The following THADA variants were observed in gnomAD, a reference collection of about 807,000 sequenced individuals.
THADA encodes the protein tRNA (32-2'-O)-methyltransferase regulator THADA.
A neutral mutation model predicts 219.8 loss-of-function variants in THADA; 213 were observed. The observed-to-expected ratio is 0.97, with a 90% confidence interval of 0.87 to 1.09. The LOEUF is 1.09. THADA is among the 50% of genes least tolerant of loss of function. THADA has a pLI of 0.00. For missense variants in THADA, 2,956 were observed against 2,311.3 expected, an observed-to-expected ratio of 1.28 and a Z score of -5.72; for synonymous variants, 1,018 against 828.9, an observed-to-expected ratio of 1.23 and a Z score of -3.92.
chr2:43,456,887 C>T (rs1573742829), intron 26 of THADA, among the ~76,000 whole-genome samples: 1 of 152,120 alleles, frequency 6.6e-6, no homozygotes, highest in South Asian at 2.1e-4. Context: ...CACTTTCAAA[C>T]TTACAATGCA....
intron 26 of THADA, among the ~76,000 whole-genome samples, chr2:43,434,398 G>A (rs564806993): frequency 6.6e-6 from 1 of 152,198 alleles, no homozygotes; most frequent in Admixed American, 6.5e-5. Context: ...CCTAGGTGAA[G>A]ACAGGCACTC....
chr2:43,573,887 T>C (rs17031069), intron 11 of THADA, among the ~76,000 whole-genome samples: 4,329 of 152,248 alleles, frequency 0.028, 204 homozygotes, highest in African/African-American at 0.098. Context: ...GGCTATTTCT[T>C]GAGATCATGC....
Position 43,472,302 on chromosome 2 carries a change from T to C in THADA, c.3836+12932A>G, listed in dbSNP as rs567069647. Among the ~76,000 whole-genome samples, 92 of 152,340 alleles carry C rather than the reference T, an allele frequency of 6.0e-4. 2 individuals are homozygous for C. In the South Asian group the frequency reaches 0.011, roughly 19 times the overall value. The stretch of plus-strand genomic sequence containing the variant: ...CCCACAACTTATAGTCATATGGCAA[T>C]TGAAATACGTTTTTCCAAAGACATA... On this transcript the variant is annotated intron_variant, in intron 26 of 37. Transcript: ENST00000405975.
intron 36 of THADA, among the ~76,000 whole-genome samples, chr2:43,279,436 C>T (rs932984424): frequency 2.0e-5 from 3 of 152,182 alleles, no homozygotes; most frequent in African/African-American, 7.2e-5. Context: ...AAACCGATGA[C>T]AACGTAACCA....
chr2:43,331,017 G>C (rs921240553), intron 30 of THADA, among the ~76,000 whole-genome samples: 9 of 152,132 alleles, frequency 5.9e-5, no homozygotes, highest in Non-Finnish European at 1.2e-4. Flanking sequence ...AGGGAGTTAG[G>C]GTGCTTCTCT....
intron 26 of THADA, among the ~76,000 whole-genome samples, chr2:43,470,368 G>T (rs988686222): frequency 7.2e-5 from 11 of 152,114 alleles, no homozygotes; most frequent in African/African-American, 2.7e-4. Context: ...ACGTAAAGAT[G>T]CTCACCATAC....
At chr2:43,263,514 T>A (rs1284311343) in intron 36 of THADA, among the ~76,000 whole-genome samples, 1 of 152,160 alleles carries the variant, frequency 6.6e-6, no homozygotes, top group Non-Finnish European at 1.5e-5. Flanking sequence ...ATACAAGCTA[T>A]CTTGTAACCA....
intron 17 of THADA, among the ~76,000 whole-genome samples, chr2:43,553,442 G>A (rs1290499053): frequency 6.6e-6 from 1 of 152,152 alleles, no homozygotes; most frequent in Non-Finnish European, 1.5e-5. Context: ...AAAGGCCAGA[G>A]CTTGCTCTCT....
chr2:43,400,124 T>G (rs1280228977), intron 28 of THADA, among the ~76,000 whole-genome samples: 1 of 152,196 alleles, frequency 6.6e-6, no homozygotes, highest in Non-Finnish European at 1.5e-5. Context: ...CAATTAGCAG[T>G]GACTGTACAC....
intron 26 of THADA, among the ~76,000 whole-genome samples, chr2:43,440,060 A>G (rs984124813): frequency 6.6e-6 from 1 of 152,192 alleles, no homozygotes; most frequent in African/African-American, 2.4e-5. Flanking sequence ...AATGTTAAAA[A>G]ATACACACTA....
At chr2:43,373,634 G>T (rs969493895) in intron 29 of THADA, among the ~76,000 whole-genome samples, 13 of 152,034 alleles carry the variant, frequency 8.6e-5, no homozygotes, top group Admixed American at 1.3e-4. Context: ...ACACCATCAG[G>T]CCTGGCTAAT....
At chr2:43,592,070 AT>A in intron 2 of THADA, 24 bp from the exon 3 acceptor site, 1 of 1,494,944 alleles carries the variant, frequency 6.7e-7, no homozygotes, top group East Asian at 2.5e-5. Context: ...ACAAAAAAAA[AT>A]TTTCAATGAT....
intron 22 of THADA, among the ~76,000 whole-genome samples, chr2:43,511,165 T>C (rs941794419): frequency 1.3e-5 from 2 of 152,132 alleles, no homozygotes; most frequent in Non-Finnish European, 2.9e-5. Flanking sequence ...TTATAGATAA[T>C]GCTACAGTCT....
Position 43,279,910 on chromosome 2 carries a change from A to C in THADA, c.5165-14T>G. 6.7e-7 allele frequency: 1 copy of C among 1,502,426 alleles called. No homozygotes were observed. The highest frequency in any genetic ancestry group is 8.8e-7 in the Non-Finnish European group (1 of 1,131,612). The allele number at this position is 1,502,426 out of a possible 1,614,324, so 93.1% of individuals were successfully genotyped here. A position where few individuals can be genotyped will look rare whatever the true frequency, so the allele number is the denominator to read the frequency against. The stretch of plus-strand genomic sequence containing the variant: ...TATCCTGCAACTCTAAGAAGACCAA[A>C]AGGAATCTGAATTACCTAGAATGCA... On this transcript the variant is annotated splice_polypyrimidine_tract_variant and intron_variant, in intron 35 of 37. Transcript: ENST00000405975.
At chr2:43,235,126 C>T (rs1478343904) in intron 36 of THADA, among the ~76,000 whole-genome samples, 1 of 150,396 alleles carries the variant, frequency 6.6e-6, no homozygotes, top group Non-Finnish European at 1.5e-5. Context: ...ATTACAGGCT[C>T]CTGCCACCAT....
chr2:43,501,038 G>C (rs908451328), intron 24 of THADA, among the ~76,000 whole-genome samples: 6 of 151,966 alleles, frequency 3.9e-5, no homozygotes, highest in Non-Finnish European at 1.5e-5. Flanking sequence ...AGGCATGGTG[G>C]CTCAAGCCTG....
chr2:43,506,798 TTTTCATG>T (rs1266272242), intron 23 of THADA, among the ~76,000 whole-genome samples: 1 of 152,212 alleles, frequency 6.6e-6, no homozygotes, highest in African/African-American at 2.4e-5. Flanking sequence ...CCATGTCTAC[TTTTCATG>T]TTTGTAGCTA....
intron 28 of THADA, 74 bp from the exon 29 acceptor site, chr2:43,398,213 T>C (rs1674343682): frequency 6.7e-7 from 1 of 1,488,534 alleles, no homozygotes; most frequent in Admixed American, 1.8e-5. Context: ...ACTTACATTC[T>C]ATCTAGCATG....
At chr2:43,454,981 G>A (rs2104907791) in intron 26 of THADA, among the ~76,000 whole-genome samples, 1 of 151,890 alleles carries the variant, frequency 6.6e-6, no homozygotes, top group African/African-American at 2.4e-5. Context: ...GTCTTGGGGT[G>A]AATCATTTTT....
Sources: allele counts gnomAD v4.1 joint callset (sites outside exome capture counted in the v4.1 genomes callset), GRCh38; gene constraint gnomAD v4.1.1; transcripts MANE v1.5; gene names NCBI Gene and HGNC (gene_info 2026-07-23, HGNC 2026-07-21).